SPAG1: variants seen among roughly 807,000 people sequenced by gnomAD.
The protein encoded by SPAG1 is sperm associated antigen 1.
In SPAG1, 69 loss-of-function variants were observed where a neutral mutation model predicts 100.5. The observed-to-expected ratio is 0.69, with a 90% CI of 0.57 to 0.84. The LOEUF is 0.84. Among genes scored for constraint, SPAG1 ranks in the 40% least tolerant of loss-of-function variants. The probability of loss-of-function intolerance (pLI) is 0.00; values close to 1 mark genes in which losing one functional copy is unlikely to be tolerated. For synonymous variants in SPAG1, 336 were observed against 411.6 expected (o/e 0.82, Z 2.22); for missense variants, 955 against 1,133.1 (o/e 0.84, Z 2.26).
chr8:100,188,522 T>C (rs771067690), intron 8 of SPAG1, among the ~76,000 whole-genome samples: 3 of 152,188 alleles, frequency 2.0e-5, no homozygotes, highest in Non-Finnish European at 2.9e-5. Context: ...ATTAAATTTG[T>C]CCAAAACTGA....
intron 2 of SPAG1, 138 bp from the exon 3 acceptor site, chr8:100,165,676 G>A: frequency 4.7e-6 from 3 of 632,904 alleles, no homozygotes; most frequent in Admixed American, 3.2e-5. Flanking sequence ...GACTATGCGG[G>A]TTAAGGAAAG....
rs1448300734 is a variant in SPAG1 at position 100,213,194 on chromosome 8, A to G, written c.1201A>G (p.Arg401Gly). The G allele has an allele frequency of 7.5e-6, 11 of 1,464,694 alleles. No homozygotes were observed. The allele number at this position is 1,464,694 out of a possible 1,614,324, so 90.7% of individuals were successfully genotyped here. ...AGCCGAAGGCGGCAAGCGGCCGGCA[A>G]GGGGCGCGCCGCAGCGGGGCCAGAC... Reference protein sequence around the residue: ...GKAEGGKRPARGAPQRGQTPE... With the variant: ...GKAEGGKRPAGGAPQRGQTPE... Residue 401 changes from arginine (R) to glycine (G), a missense_variant, in exon 11 of 19, where the codon AGG becomes GGG. Transcript: ENST00000388798.
chr8:100,163,404 TTTC>T (rs1213127339), intron 2 of SPAG1, among the ~76,000 whole-genome samples: 1 of 151,716 alleles, frequency 6.6e-6, no homozygotes, highest in African/African-American at 2.4e-5. Flanking sequence ...TCTTTCTTTC[TTTC>T]TTTTTTTTTT....
intron 15 of SPAG1, among the ~76,000 whole-genome samples, chr8:100,232,234 C>A (rs1206837991): frequency 6.6e-6 from 1 of 152,174 alleles, no homozygotes; most frequent in Non-Finnish European, 1.5e-5. Flanking sequence ...GTGAAGACTC[C>A]TCCTCCTCTT....
intron 3 of SPAG1, among the ~76,000 whole-genome samples, chr8:100,170,127 T>G (rs1165626173): frequency 6.6e-6 from 1 of 152,200 alleles, no homozygotes; most frequent in East Asian, 1.9e-4. Context: ...ATGGATCAAT[T>G]TTGGAAGAAC....
chr8:100,207,653 G>A (rs1328374913), intron 10 of SPAG1, among the ~76,000 whole-genome samples: 1 of 152,190 alleles, frequency 6.6e-6, no homozygotes, highest in African/African-American at 2.4e-5. Flanking sequence ...GATGGTCAGG[G>A]ACTTGGAAGA....
intron 7 of SPAG1, 45 bp downstream of exon 7, chr8:100,184,778 G>A (rs888055696): frequency 9.0e-7 from 1 of 1,105,856 alleles, no homozygotes; most frequent in Non-Finnish European, 1.3e-6. Context: ...TTTAAAAAAT[G>A]ATAATGTTTT....
At position 100,175,284 on chromosome 8, in the gene SPAG1, C is replaced by CTT. The variant is rs1329134913; in HGVS notation, c.301-2515_301-2514dup. ...ATAGAGAAGGGCGTGCAGTGAAGTT[C>CTT]TTTTTTTTTTTTTTTTTTGAGATAG... On this transcript the variant is annotated intron_variant, in intron 3 of 18. Transcript: ENST00000388798. Among the ~76,000 whole-genome samples, 317 of 126,400 alleles carry CTT rather than the reference C, an allele frequency of 2.5e-3. 2 individuals carry two copies. Among genetic ancestry groups the CTT allele is most frequent in the Non-Finnish European group, 4.2e-3 (248 of 59,258 alleles). The allele number at this position is 126,400 out of a possible 152,430, so 82.9% of individuals were successfully genotyped here. A position where few individuals can be genotyped will look rare whatever the true frequency, so the allele number is the denominator to read the frequency against.
chr8:100,167,157 TA>T (rs563255031), intron 3 of SPAG1, among the ~76,000 whole-genome samples: 1 of 151,518 alleles, frequency 6.6e-6, no homozygotes, highest in Non-Finnish European at 1.5e-5. Flanking sequence ...GTTTCTTTAT[TA>T]AAAAAAACAA....
At chr8:100,212,652 T>C (rs2439459) in intron 10 of SPAG1, among the ~76,000 whole-genome samples, 95,205 of 152,072 alleles carry the variant, frequency 0.63, 30,165 homozygotes, top group African/African-American at 0.72. Context: ...TCAAATCTTT[T>C]TCTCCTAATC....
intron 8 of SPAG1, among the ~76,000 whole-genome samples, chr8:100,190,372 A>C (rs890499596): frequency 6.6e-6 from 1 of 152,096 alleles, no homozygotes; most frequent in Non-Finnish European, 1.5e-5. Flanking sequence ...TCTTTTTCAA[A>C]GTAATGACTT....
At chr8:100,203,013 T>C (rs1817354483) in intron 10 of SPAG1, among the ~76,000 whole-genome samples, 1 of 152,134 alleles carries the variant, frequency 6.6e-6, no homozygotes, top group Non-Finnish European at 1.5e-5. Context: ...GTTAACTTGA[T>C]TGGATTGAAG....
intron 3 of SPAG1, among the ~76,000 whole-genome samples, chr8:100,174,065 A>G (rs907939457): frequency 3.3e-5 from 5 of 152,176 alleles, no homozygotes; most frequent in Non-Finnish European, 7.4e-5. Context: ...TATGATAAAT[A>G]TAGCTGACTC....
chr8:100,220,872 A>G (rs577238946), intron 13 of SPAG1, among the ~76,000 whole-genome samples: 1 of 152,180 alleles, frequency 6.6e-6, no homozygotes, highest in Admixed American at 6.5e-5. Flanking sequence ...CAGGAGTTCG[A>G]GACCAGCCTG....
intron 4 of SPAG1, among the ~76,000 whole-genome samples, 171 bp from the exon 5 acceptor site, chr8:100,183,204 C>T (rs1035038962): frequency 6.6e-6 from 1 of 152,084 alleles, no homozygotes; most frequent in African/African-American, 2.4e-5. Context: ...AACTCCTGGC[C>T]TCAAGTGAGC....
At chr8:100,232,424 G>A (rs1262715439) in intron 15 of SPAG1, among the ~76,000 whole-genome samples, 1 of 152,062 alleles carries the variant, frequency 6.6e-6, no homozygotes, top group Non-Finnish European at 1.5e-5. Flanking sequence ...TTACAATGAT[G>A]TCTTCCAAAT....
At chr8:100,186,743 T>A (rs1816602964) in intron 7 of SPAG1, among the ~76,000 whole-genome samples, 2 of 152,196 alleles carry the variant, frequency 1.3e-5, no homozygotes, top group African/African-American at 4.8e-5. Flanking sequence ...AAGTTTGAGA[T>A]CAAGGTGCTA....
intron 13 of SPAG1, among the ~76,000 whole-genome samples, chr8:100,223,149 A>G (rs1818357366): frequency 6.6e-6 from 1 of 152,132 alleles, no homozygotes; most frequent in South Asian, 2.1e-4. Context: ...ATCATATCAC[A>G]TCTTGTTTAT....
rs1816935249 is a variant in SPAG1, at chr8:100,194,260, G to C, written c.1088G>C (p.Gly363Ala). The change falls in exon 10 of 19, where the codon GGA (glycine) becomes GCA (alanine). Residue 363 changes from glycine (G) to alanine (A), a missense_variant. Physicochemically the swap from Gly to Ala is moderately conservative, Grantham distance 60. Transcript: ENST00000388798. ...KSGRKHEDGG[G>A]DKKPAEPAGA... Reference sequence around the variant, plus strand: ...GGAAGAAAACATGAAGATGGCGGTGGAGATAAGAGTAAAATATTTTTTCTA... The same window carrying C: ...GGAAGAAAACATGAAGATGGCGGTGCAGATAAGAGTAAAATATTTTTTCTA... The C allele has an allele frequency of 1.2e-6, 2 of 1,607,714 alleles. No homozygotes were observed. The highest frequency in any genetic ancestry group is 1.7e-6 in the Non-Finnish European group (2 of 1,174,710).
Sources: allele counts gnomAD v4.1 joint callset (sites outside exome capture counted in the v4.1 genomes callset), GRCh38; gene constraint gnomAD v4.1.1; transcripts MANE v1.5; gene names NCBI Gene and HGNC (gene_info 2026-07-23, HGNC 2026-07-21).